Variants in CDA observed in about 807,000 individuals in gnomAD.
CDA encodes the protein cytidine deaminase.
Under a neutral mutation model 15.0 loss-of-function variants are expected in CDA, and 7 were observed. That is an observed-to-expected ratio of 0.47 (90% confidence interval 0.26 to 0.87). The LOEUF (loss-of-function observed/expected upper bound fraction) is 0.87. CDA is among the 40% of genes least tolerant of loss of function. The pLI, the probability that CDA is intolerant of heterozygous loss-of-function variation, is 0.15. For synonymous variants in CDA, 58 were observed against 73.0 expected, an observed-to-expected ratio of 0.79 and a Z score of 1.05; for missense variants, 159 against 182.7, an observed-to-expected ratio of 0.87 and a Z score of 0.75.
intron 2 of CDA, among the ~76,000 whole-genome samples, chr1:20,606,682 A>G (rs1385614079): frequency 1.3e-5 from 2 of 152,186 alleles, no homozygotes; most frequent in Non-Finnish European, 2.9e-5. Context: ...TTATGGTTCA[A>G]ACTAATCAGA....
intron 1 of CDA, among the ~76,000 whole-genome samples, chr1:20,598,887 T>C (rs1217531867): frequency 6.6e-6 from 1 of 152,204 alleles, no homozygotes; most frequent in Non-Finnish European, 1.5e-5. Context: ...GCCCAGGACA[T>C]ACCACAACAC....
intron 2 of CDA, 28 bp downstream of exon 2, chr1:20,605,067 T>A (rs2154532440): frequency 7.9e-7 from 1 of 1,260,454 alleles, no homozygotes; most frequent in African/African-American, 1.5e-5. Context: ...GTTGCAACAA[T>A]ATTCATTCAT....
At chr1:20,593,072 G>A (rs1216354047) in intron 1 of CDA, among the ~76,000 whole-genome samples, 1 of 152,158 alleles carries the variant, frequency 6.6e-6, no homozygotes, top group Non-Finnish European at 1.5e-5. Flanking sequence ...TCAGCTGGGC[G>A]ACAGAATGAG....
chr1:20,605,007 G>T lies in CDA; in HGVS notation c.234G>T (p.Gly78=), dbSNP rs1474220865. The change falls in exon 2 of 4, where the codon GGG becomes GGT. Residue 78 remains glycine (G), a synonymous_variant. Coordinates refer to ENST00000375071, the MANE Select transcript of CDA (RefSeq NM_001785.3). ...CTATCCAGAAGGCCGTCTCAGAAGG[G>T]TACAAGGATTTCAGGGCAATTGCTA... ...RTAIQKAVSE[G]YKDFRAIAIA... The T allele has an allele frequency of 7.4e-6, 12 of 1,613,736 alleles. No individual in the cohort carries two copies. Among genetic ancestry groups the T allele is most frequent in the Non-Finnish European group, 7.6e-6 (9 of 1,179,720 alleles).
At chr1:20,594,867 G>C (rs760556203) in intron 1 of CDA, among the ~76,000 whole-genome samples, 1 of 152,032 alleles carries the variant, frequency 6.6e-6, no homozygotes, top group Non-Finnish European at 1.5e-5. Flanking sequence ...AGTCAGCTCC[G>C]GGCCTTGCAC....
At chr1:20,606,252 G>A (rs1176162122) in intron 2 of CDA, among the ~76,000 whole-genome samples, 4 of 150,258 alleles carry the variant, frequency 2.7e-5, no homozygotes, top group African/African-American at 4.9e-5. Flanking sequence ...GGAACATGGC[G>A]TGAACCCGGG....
chr1:20,617,099 C>T (rs894855390), intron 3 of CDA, among the ~76,000 whole-genome samples: 8 of 152,114 alleles, frequency 5.3e-5, no homozygotes, highest in South Asian at 2.1e-4. Context: ...GTCATGACAC[C>T]GCTGCTGATT....
At chr1:20,616,180 G>A (rs2052800122) in intron 3 of CDA, among the ~76,000 whole-genome samples, 1 of 152,192 alleles carries the variant, frequency 6.6e-6, no homozygotes, top group Admixed American at 6.5e-5. Context: ...GGCTGACTCT[G>A]AAGCCCGTGC....
chr1:20,614,390 G>A (rs1410396530), intron 3 of CDA, among the ~76,000 whole-genome samples: 2 of 152,178 alleles, frequency 1.3e-5, no homozygotes, highest in East Asian at 1.9e-4. Context: ...CCTGCTGCTT[G>A]TATTTGTAAA....
intron 1 of CDA, among the ~76,000 whole-genome samples, chr1:20,598,482 C>T (rs2052609236): frequency 1.3e-5 from 2 of 152,230 alleles, no homozygotes; most frequent in South Asian, 4.1e-4. Context: ...TATTACGTTA[C>T]AGCAGCACAA....
intron 1 of CDA, among the ~76,000 whole-genome samples, chr1:20,591,843 T>A (rs2052550782): frequency 1.5e-5 from 2 of 131,248 alleles, no homozygotes; most frequent in Non-Finnish European, 3.3e-5. Flanking sequence ...TTATGGGTTT[T>A]TTTTTGTTTT....
intron 2 of CDA, among the ~76,000 whole-genome samples, chr1:20,607,298 G>T (rs1048136655): frequency 1.3e-5 from 2 of 152,180 alleles, no homozygotes; most frequent in Non-Finnish European, 1.5e-5. Context: ...TTCTGAGTAA[G>T]TAAAGCCCGA....
At chr1:20,590,153 CTGGGTCTTAAACATCTT>C (rs2052536308) in intron 1 of CDA, among the ~76,000 whole-genome samples, 1 of 152,118 alleles carries the variant, frequency 6.6e-6, no homozygotes, top group African/African-American at 2.4e-5. Flanking sequence ...TGTGACTTGC[CTGGGTCTTAAACATCTT>C]TGAGTGGGAG....
intron 2 of CDA, among the ~76,000 whole-genome samples, chr1:20,607,249 T>C (rs1557549444): frequency 6.6e-6 from 1 of 152,224 alleles, no homozygotes; most frequent in Non-Finnish European, 1.5e-5. Flanking sequence ...TCCTACACTT[T>C]GCCTCAGTCT....
intron 1 of CDA, among the ~76,000 whole-genome samples, chr1:20,590,534 C>T (rs1393815025): frequency 2.6e-5 from 4 of 152,294 alleles, no homozygotes; most frequent in African/African-American, 9.6e-5. Context: ...TTGATTCTTT[C>T]GAAAGCCTCC....
At chr1:20,589,687 G>C (rs190262786) in intron 1 of CDA, among the ~76,000 whole-genome samples, 1 of 152,158 alleles carries the variant, frequency 6.6e-6, no homozygotes, top group Non-Finnish European at 1.5e-5. Flanking sequence ...GTTAATGCTC[G>C]TCTTTAGATG....
At chr1:20,603,983 G>T (rs2052670600) in intron 1 of CDA, among the ~76,000 whole-genome samples, 1 of 152,328 alleles carries the variant, frequency 6.6e-6, no homozygotes, top group South Asian at 2.1e-4. Context: ...CTGGAGGCCC[G>T]AGGATTGTTT....
chr1:20,608,391 A>ATTGTT lies in CDA; in HGVS notation c.266+3353_266+3354insTGTTT, dbSNP rs1249559194. ...GTATGTAATACATTCAAACTATTAT[A>ATTGTT]TAGTTTTGTTTTGTTTTGTTTTGTT... On this transcript the variant is annotated intron_variant, in intron 2 of 3. Transcript: ENST00000375071. 1.3e-4 allele frequency among the ~76,000 whole-genome samples: 6 copies of ATTGTT among 47,610 alleles called. No homozygotes were observed. In the East Asian group the frequency reaches 1.4e-3, roughly 11 times the overall value. 31.2% of individuals were successfully genotyped at this position (47,610 alleles called of 152,430 possible). A position where few individuals can be genotyped will look rare whatever the true frequency, so the allele number is the denominator to read the frequency against.
chr1:20,608,410 T>TTTTGTTTTGTTTTGTTTTGC (rs150267819), intron 2 of CDA, among the ~76,000 whole-genome samples: 70 of 151,212 alleles, frequency 4.6e-4, no homozygotes, highest in African/African-American at 8.8e-4. Context: ...TTTTGTTTTG[T>TTTTGTTTTGTTTTGTTTTGC]TTTGTTTTGT....
Sources: gnomAD v4.1 joint callset for allele counts (sites outside exome capture counted in the v4.1 genomes callset) on GRCh38, gnomAD v4.1.1 for gene constraint, MANE v1.5 for transcripts, NCBI Gene and HGNC (gene_info 2026-07-23, HGNC 2026-07-21) for gene names.